The following CACNA1A variants were observed in gnomAD, a reference collection of about 807,000 sequenced individuals.
CACNA1A encodes the protein calcium voltage-gated channel subunit alpha1 A.
A neutral mutation model predicts 262.4 loss-of-function variants in CACNA1A; 57 were observed. The ratio of observed to expected loss-of-function variants is 0.22; its 90% CI spans 0.18 to 0.27. The LOEUF (loss-of-function observed/expected upper bound fraction) is 0.27. Among genes scored for constraint, CACNA1A ranks in the 10% least tolerant of loss-of-function variants. The probability of loss-of-function intolerance (pLI) is 1.00; values close to 1 mark genes in which losing one functional copy is unlikely to be tolerated. For missense variants in CACNA1A, 2,526 were observed against 3,562.8 expected, an observed-to-expected ratio of 0.71 and a Z score of 7.41; for synonymous variants, 1,431 against 1,419.3, an observed-to-expected ratio of 1.01 and a Z score of -0.18.
intron 9 of CACNA1A, among the ~76,000 whole-genome samples, chr19:13,331,673 CT>C (rs112950431): frequency 6.6e-6 from 1 of 151,362 alleles, no homozygotes; most frequent in East Asian, 2.0e-4. Flanking sequence ...TCTCTAAATT[CT>C]TTTTTTTTCT....
At chr19:13,271,079 A>T (rs1424678493) in intron 24 of CACNA1A, among the ~76,000 whole-genome samples, 1 of 152,164 alleles carries the variant, frequency 6.6e-6, no homozygotes, top group Admixed American at 6.6e-5. Flanking sequence ...ACAATGTAAA[A>T]GCTTGACTCT....
intron 23 of CACNA1A, 120 bp downstream of exon 23, chr19:13,276,949 T>G (rs2057164323): frequency 3.1e-6 from 2 of 652,958 alleles, no homozygotes; most frequent in East Asian, 6.1e-5. Context: ...TGATCTCAAG[T>G]GATCTGCCTG....
chr19:13,414,189 T>C lies in CACNA1A; in HGVS notation c.539+38687A>G, dbSNP rs375695611. On this transcript the variant is annotated intron_variant, in intron 3 of 46. Coordinates refer to ENST00000360228, the MANE Select transcript of CACNA1A (RefSeq NM_001127222.2). ...TGCAATGAACTTTGAGTCCGGGAGT[T>C]TGAGACCAGCCTGGGCAACATAGGG... Among the ~76,000 whole-genome samples the C allele has an allele frequency of 1.3e-4, 20 of 151,506 alleles. 1 individual carries two copies. The highest frequency in any genetic ancestry group is 4.9e-4 in the African/African-American group (20 of 41,218).
At chr19:13,476,596 C>T (rs1363442620) in intron 1 of CACNA1A, among the ~76,000 whole-genome samples, 1 of 152,162 alleles carries the variant, frequency 6.6e-6, no homozygotes, top group East Asian at 1.9e-4. Flanking sequence ...GCAGGGTTTC[C>T]TTTAGGGGGG....
At chr19:13,287,009 A>C in intron 19 of CACNA1A, 43 bp from the exon 20 acceptor site, 1 of 1,442,926 alleles carries the variant, frequency 6.9e-7, no homozygotes, top group South Asian at 1.3e-5. Context: ...CAACTGATTT[A>C]GGATAAAAGG....
intron 38 of CACNA1A, among the ~76,000 whole-genome samples, chr19:13,221,037 C>T (rs2055198083): frequency 6.6e-6 from 1 of 150,628 alleles, no homozygotes; most frequent in South Asian, 2.1e-4. Flanking sequence ...TGCCACGTGG[C>T]CTTGGCTCTT....
At chr19:13,264,423 G>A (rs1027141962) in intron 24 of CACNA1A, among the ~76,000 whole-genome samples, 14 of 152,164 alleles carry the variant, frequency 9.2e-5, no homozygotes, top group African/African-American at 3.4e-4. Flanking sequence ...AGTGGCTAAA[G>A]CCAATGACCT....
chr19:13,254,603 C>T (rs1361746751), intron 29 of CACNA1A, among the ~76,000 whole-genome samples: 1 of 152,022 alleles, frequency 6.6e-6, no homozygotes, highest in Non-Finnish European at 1.5e-5. Context: ...CTCAGGTGAT[C>T]CGCCCGCCTC....
intron 45 of CACNA1A, 40 bp downstream of exon 45, chr19:13,209,272 C>A: frequency 6.9e-7 from 1 of 1,439,220 alleles, no homozygotes; most frequent in Non-Finnish European, 9.1e-7. Flanking sequence ...CTCTCCTCTC[C>A]TCTGTTCTGC....
chr19:13,431,287 G>A (rs181335492), intron 3 of CACNA1A, among the ~76,000 whole-genome samples: 7 of 152,088 alleles, frequency 4.6e-5, no homozygotes, highest in Non-Finnish European at 8.8e-5. Flanking sequence ...AAAGATGGGG[G>A]CTGGACCGGG....
At chr19:13,402,801 CAT>C (rs370175047) in intron 3 of CACNA1A, among the ~76,000 whole-genome samples, 8,684 of 131,706 alleles carry the variant, frequency 0.066, 470 homozygotes, top group African/African-American at 0.15. Flanking sequence ...TATATACACA[CAT>C]ATATATATAC....
intron 1 of CACNA1A, among the ~76,000 whole-genome samples, chr19:13,479,517 T>C (rs2112461): frequency 0.74 from 112,100 of 152,004 alleles, 42,779 homozygotes; most frequent in East Asian, 0.97. Flanking sequence ...TCGTGGGCTT[T>C]TCCAAGTGAT....
At chr19:13,452,103 G>A (rs2060927067) in intron 3 of CACNA1A, 1 of 152,178 alleles carries the variant, frequency 6.6e-6, no homozygotes, top group Non-Finnish European at 1.5e-5. Flanking sequence ...CCAAAGTGCT[G>A]AGATTACAGG....
At chr19:13,327,557 T>C (rs1194190269) in intron 10 of CACNA1A, among the ~76,000 whole-genome samples, 1 of 150,250 alleles carries the variant, frequency 6.7e-6, no homozygotes, top group East Asian at 2.0e-4. Context: ...AAAATATATA[T>C]ACATATATAT....
At chr19:13,283,904 A>T (rs2057345695) in intron 21 of CACNA1A, 1 of 152,482 alleles carries the variant, frequency 6.6e-6, no homozygotes, top group Non-Finnish European at 1.5e-5. Context: ...AAATCATGAG[A>T]CCCAAGACTT....
chr19:13,354,970 G>C (rs2058983873), intron 6 of CACNA1A, among the ~76,000 whole-genome samples: 1 of 149,760 alleles, frequency 6.7e-6, no homozygotes, highest in South Asian at 2.1e-4. Context: ...CATCTCCCGG[G>C]TTCAAGTGAT....
Position 13,209,008 on chromosome 19 carries a change from G to T in CACNA1A, c.6528C>A (p.Gly2176=). Residue 2176 remains glycine, a splice_region_variant and synonymous_variant, in exon 46 of 47, where the codon GGC becomes GGA. Coordinates refer to ENST00000360228, the MANE Select transcript of CACNA1A (RefSeq NM_001127222.2). ...TGGTCATGCTCAGGTCTGTCCCCAA[G>T]CCTGGGCCGGGTGAGGGTCAGACAG... is the stretch of plus-strand genomic sequence containing the variant. ...SLGRYTDVDT[G]LGTDLSMTTQ... 2 of 1,537,114 alleles carry T rather than the reference G, an allele frequency of 1.3e-6. No individual in the cohort carries two copies. The highest frequency in any genetic ancestry group is 2.4e-5 in the South Asian group (2 of 84,064).
intron 1 of CACNA1A, among the ~76,000 whole-genome samples, chr19:13,503,022 T>C (rs568555576): frequency 4.6e-5 from 7 of 152,160 alleles, no homozygotes; most frequent in South Asian, 2.1e-4. Context: ...CATCAAAAAG[T>C]AGCAGGGGCG....
At position 13,298,932 on chromosome 19, in the gene CACNA1A, A is replaced by C; in HGVS notation, c.2701T>G (p.Ser901Ala). The change falls in exon 19 of 47, where the codon TCG becomes GCG. Residue 901 changes from serine to alanine, a missense_variant. Ser to Ala is a moderately conservative substitution (Grantham distance 99, BLOSUM62 1). Coordinates refer to ENST00000360228, the MANE Select transcript of CACNA1A (RefSeq NM_001127222.2). The stretch of plus-strand genomic sequence containing the variant: ...CTGCCCTCCCGGGCGTGGTGGTCCG[A>C]CTCGCGGCCGTAGGGTCCCTCCCGG... The part of the protein sequence containing the change: ...LSREGPYGRE[S>A]DHHAREGSLE... 3 of 1,593,392 alleles carry C rather than the reference A, an allele frequency of 1.9e-6. No individual in the cohort carries two copies. Among genetic ancestry groups the C allele is most frequent in the Non-Finnish European group, 2.5e-6 (3 of 1,177,436 alleles).
Sources: allele counts gnomAD v4.1 joint callset (sites outside exome capture counted in the v4.1 genomes callset), GRCh38; gene constraint gnomAD v4.1.1; transcripts MANE v1.5; gene names NCBI Gene and HGNC (gene_info 2026-07-23, HGNC 2026-07-21).